SENP7: variants seen among roughly 807,000 people sequenced by gnomAD.
SENP7 encodes SUMO specific peptidase 7.
A neutral mutation model predicts 141.2 loss-of-function variants in SENP7; 64 were observed. The ratio of observed to expected loss-of-function variants is 0.45; its 90% CI spans 0.37 to 0.56. SENP7 has a LOEUF of 0.56. Ranked by LOEUF, SENP7 falls within the 20% of genes least tolerant of loss-of-function variation. SENP7 has a pLI of 0.00. For missense variants in SENP7, 1,025 were observed against 1,212.2 expected (o/e 0.85, Z 2.29); for synonymous variants, 382 against 426.4 (o/e 0.90, Z 1.28).
intron 5 of SENP7, among the ~76,000 whole-genome samples, chr3:101,406,964 G>A (rs775934867): frequency 2.0e-5 from 3 of 152,122 alleles, no homozygotes; most frequent in South Asian, 2.1e-4. Flanking sequence ...TGTATGCAGC[G>A]AAACTAAGCT....
At chr3:101,398,233 G>A (rs1480490809) in intron 6 of SENP7, among the ~76,000 whole-genome samples, 1 of 152,212 alleles carries the variant, frequency 6.6e-6, no homozygotes, top group African/African-American at 2.4e-5. Flanking sequence ...GCTGAAGCAG[G>A]CAGATCACAA....
intron 12 of SENP7, 97 bp from the exon 13 acceptor site, chr3:101,348,148 A>T (rs2553421): frequency 0.89 from 583,886 of 655,252 alleles, 262,102 homozygotes; most frequent in East Asian, 0.98. Flanking sequence ...TACTTTTTTT[A>T]AAAAAAAGAG....
At chr3:101,505,208 G>C (rs2108187156) in intron 1 of SENP7, among the ~76,000 whole-genome samples, 1 of 152,330 alleles carries the variant, frequency 6.6e-6, no homozygotes, top group African/African-American at 2.4e-5. Context: ...GCTAGGAGCA[G>C]TGCAGTGAGG....
chr3:101,389,389 TAAG>T (rs2060748704), intron 6 of SENP7, among the ~76,000 whole-genome samples: 1 of 152,112 alleles, frequency 6.6e-6, no homozygotes, highest in Non-Finnish European at 1.5e-5. Flanking sequence ...AAGAAAATTC[TAAG>T]AACAGCAAAA....
intron 3 of SENP7, among the ~76,000 whole-genome samples, chr3:101,483,523 C>G (rs867188354): frequency 6.6e-6 from 1 of 152,152 alleles, no homozygotes; most frequent in Non-Finnish European, 1.5e-5. Flanking sequence ...TACTATGCTT[C>G]CTACCTGCGT....
At chr3:101,329,458 C>T (rs919551426) in intron 20 of SENP7, among the ~76,000 whole-genome samples, 13 of 151,828 alleles carry the variant, frequency 8.6e-5, no homozygotes, top group African/African-American at 3.1e-4. Context: ...AGGCCTGTGC[C>T]AGGGAGTCTG....
At chr3:101,344,811 G>T (rs1354573551) in intron 13 of SENP7, among the ~76,000 whole-genome samples, 1 of 151,868 alleles carries the variant, frequency 6.6e-6, no homozygotes, top group Non-Finnish European at 1.5e-5. Flanking sequence ...TGCAAATTCT[G>T]TCAGAGTTTG....
chr3:101,513,109 G>T lies in SENP7; in HGVS notation c.22C>A (p.Arg8=). 6.2e-7 allele frequency: 1 copy of T among 1,611,794 alleles called. No individual in the cohort carries two copies. The highest frequency in any genetic ancestry group is 8.5e-7 in the Non-Finnish European group (1 of 1,179,494). The change falls in exon 1 of 24, where the codon CGA becomes AGA. Residue 8 remains arginine (R), a synonymous_variant. Transcript: ENST00000394095. MDKRKLG[R]RPSSSEIITE... ...TTCTCACCGGATGAAGATGGCCGTC[G>T]CCCGAGCTTTCTCTTGTCCATCTTC...
chr3:101,329,058 C>T (rs924697195), intron 20 of SENP7, among the ~76,000 whole-genome samples: 2 of 152,126 alleles, frequency 1.3e-5, no homozygotes, highest in East Asian at 1.9e-4. Context: ...CCCTTTGAAG[C>T]CTAAGATGCA....
At chr3:101,442,341 G>C (rs1431244819) in intron 4 of SENP7, among the ~76,000 whole-genome samples, 9 of 152,134 alleles carry the variant, frequency 5.9e-5, no homozygotes, top group Non-Finnish European at 1.0e-4. Flanking sequence ...ACTGTTTTAG[G>C]ACGAAACTGT....
intron 6 of SENP7, among the ~76,000 whole-genome samples, chr3:101,395,763 T>C (rs916937415): frequency 1.3e-5 from 2 of 152,200 alleles, no homozygotes; most frequent in Non-Finnish European, 2.9e-5. Flanking sequence ...TTGGCAGCAA[T>C]GGTGATGACG....
In SENP7 at chr3:101,327,728, T is replaced by G; in HGVS notation, c.2953A>C (p.Lys985Gln). ...CCACAATCACTGCTATTGTCCTGTT[T>G]AGGAACTTTAGGGCATAGATCCACC... ...NMVDLCPKVP[K>Q]QDNSSDCGVY... is the part of the protein sequence containing the mutation. Residue 985 changes from lysine (K) to glutamine (Q), a missense_variant, in exon 23 of 24, where the codon AAA (lysine) becomes CAA (glutamine). Physicochemically the swap from Lys to Gln is moderately conservative, Grantham distance 53. Transcript: ENST00000394095. The G allele has an allele frequency of 6.2e-7, 1 of 1,612,156 alleles. No homozygotes were observed. Among genetic ancestry groups the G allele is most frequent in the Non-Finnish European group, 8.5e-7 (1 of 1,178,778 alleles).
At chr3:101,481,334 A>G (rs2064469865) in intron 3 of SENP7, among the ~76,000 whole-genome samples, 1 of 152,244 alleles carries the variant, frequency 6.6e-6, no homozygotes, top group Non-Finnish European at 1.5e-5. Flanking sequence ...TGTCATGTAC[A>G]GAAACATGGA....
intron 4 of SENP7, among the ~76,000 whole-genome samples, chr3:101,427,619 A>G (rs1427669726): frequency 6.6e-6 from 1 of 152,116 alleles, no homozygotes; most frequent in Non-Finnish European, 1.5e-5. Flanking sequence ...GCTTTCATTC[A>G]GGTACAATGC....
In SENP7 at chr3:101,326,927, C is replaced by T. The variant is rs78131395; in HGVS notation, c.3015+739G>A. Among the ~76,000 whole-genome samples the T allele has an allele frequency of 9.5e-3, 1,443 of 152,122 alleles. 27 individuals carry two copies. Among genetic ancestry groups the T allele is most frequent in the African/African-American group, 0.033 (1,357 of 41,502 alleles). The stretch of plus-strand genomic sequence containing the variant: ...CTCTCTGGGCTATAGCTGGAGTTCA[C>T]TAATCCTATCTTCTACTGTATCTAG... On this transcript the variant is annotated intron_variant, in intron 23 of 23. Coordinates refer to ENST00000394095, the MANE Select transcript of SENP7 (RefSeq NM_020654.5).
At chr3:101,375,456 C>G (rs761286985) in intron 6 of SENP7, among the ~76,000 whole-genome samples, 1 of 142,900 alleles carries the variant, frequency 7.0e-6, no homozygotes, top group South Asian at 2.3e-4. Flanking sequence ...GCATGAGAAT[C>G]GCTTGAACCC....
intron 4 of SENP7, among the ~76,000 whole-genome samples, chr3:101,447,524 T>G (rs1046256258): frequency 2.6e-5 from 4 of 151,882 alleles, no homozygotes; most frequent in Non-Finnish European, 5.9e-5. Context: ...TATTTAGGAA[T>G]AAACTTAACA....
chr3:101,357,791 C>A, intron 11 of SENP7: 1 of 612,388 alleles, frequency 1.6e-6, no homozygotes, highest in Non-Finnish European at 3.1e-6. Flanking sequence ...AAGCTTTTAA[C>A]CAGTCCTCAA....
At chr3:101,463,394 T>TACAC (rs1292258652) in intron 3 of SENP7, among the ~76,000 whole-genome samples, 1 of 86,834 alleles carries the variant, frequency 1.2e-5, no homozygotes, top group Admixed American at 1.1e-4. Flanking sequence ...TATATATATA[T>TACAC]ATACATATAT....
Sources: allele counts gnomAD v4.1 joint callset (sites outside exome capture counted in the v4.1 genomes callset), GRCh38; gene constraint gnomAD v4.1.1; transcripts MANE v1.5; gene names NCBI Gene and HGNC (gene_info 2026-07-23, HGNC 2026-07-21).